The following STX11 variants were observed in gnomAD, a reference collection of about 807,000 sequenced individuals.
STX11 encodes the protein syntaxin 11.
Under a neutral mutation model 19.9 loss-of-function variants are expected in STX11, and 21 were observed. The ratio of observed to expected loss-of-function variants is 1.06; its 90% CI spans 0.75 to 1.52. STX11 has a LOEUF of 1.52. STX11 is among the 40% of genes most tolerant of loss of function. The probability of loss-of-function intolerance (pLI) is 0.00; values close to 1 mark genes in which losing one functional copy is unlikely to be tolerated. For synonymous variants in STX11, 193 were observed against 174.4 expected (o/e 1.11, Z -0.84); for missense variants, 438 against 405.9 (o/e 1.08, Z -0.68).
chr6:144,168,944 A>G (rs748368032), intron 1 of STX11, among the ~76,000 whole-genome samples: 13 of 152,248 alleles, frequency 8.5e-5, no homozygotes, highest in Non-Finnish European at 1.8e-4. Flanking sequence ...TGAGCAGGAC[A>G]GATGTGAAGG....
rs1562655408 is a variant in STX11, at chr6:144,155,982, CTTTCTTTCTTTCTTTCTTTCTTTCTT to C, written c.-6+5281_-6+5306del. On this transcript the variant is annotated intron_variant, in intron 1 of 1. Transcript: ENST00000367568. This position sits in a 1 kb window ranked among gnomAD's most constrained non-coding sequence, Gnocchi z 4.5. Reference sequence around the variant, plus strand: ...TCTTTCTTTCTTTCTTTCTTTCTTTCTTTCTTTCTTTCTTTCTTTCTTTCTTTCTTTCTCTCTTTCTCTCCTTCCTT... The same window carrying C: ...TCTTTCTTTCTTTCTTTCTTTCTTTCTCTTTCTCTCTTTCTCTCCTTCCTT... 9.7e-4 allele frequency among the ~76,000 whole-genome samples: 128 copies of C among 131,362 alleles called. 1 individual carries two copies. The highest frequency in any genetic ancestry group is 4.4e-3 in the African/African-American group (116 of 26,608). The allele number at this position is 131,362 out of a possible 152,430, so 86.2% of individuals were successfully genotyped here. A position where few individuals can be genotyped will look rare whatever the true frequency, so the allele number is the denominator to read the frequency against.
chr6:144,162,758 GT>G lies in STX11; in HGVS notation c.-6+12058del, dbSNP rs1801375926. ...GGATAAGGTGGTTTGCCATGGTGGA[GT>G]TTGTGTAGGCCAAGACAGGCTAAGA... On this transcript the variant is annotated intron_variant, in intron 1 of 1. Coordinates refer to ENST00000367568, the MANE Select transcript of STX11 (RefSeq NM_003764.4). This position sits in a 1 kb window ranked among gnomAD's most constrained non-coding sequence, Gnocchi z 4.6. Among the ~76,000 whole-genome samples, 1 of 152,200 alleles carries G rather than the reference GT, an allele frequency of 6.6e-6. No individual in the cohort carries two copies. The highest frequency in any genetic ancestry group is 2.4e-5 in the African/African-American group (1 of 41,448).
Position 144,150,533 on chromosome 6 carries a change from G to C in STX11, c.-176G>C. On this transcript the variant is annotated 5_prime_UTR_variant, in exon 1 of 2. Coordinates refer to ENST00000367568, the MANE Select transcript of STX11 (RefSeq NM_003764.4). ...GCGGCGCCCAGATGCGGCCGCGGCGGCGCGGAGCTCGGGCGGCCGTGGAGG... is the reference window on the plus strand; with the variant it reads ...GCGGCGCCCAGATGCGGCCGCGGCGCCGCGGAGCTCGGGCGGCCGTGGAGG... The C allele has an allele frequency of 1.0e-6, 1 of 985,374 alleles. No individual in the cohort carries two copies. The highest frequency in any genetic ancestry group is 1.2e-6 in the Non-Finnish European group (1 of 829,954). 61.0% of individuals were successfully genotyped at this position (985,374 alleles called of 1,614,324 possible).
Position 144,187,714 on chromosome 6 carries a change from A to G in STX11, c.*223A>G, listed in dbSNP as rs1233930258. The G allele has an allele frequency of 6.2e-6, 4 of 647,696 alleles. No individual in the cohort carries two copies. The highest frequency in any genetic ancestry group is 5.5e-5 in the African/African-American group (3 of 54,522). The allele number at this position is 647,696 out of a possible 1,614,324, so 40.1% of individuals were successfully genotyped here. On this transcript the variant is annotated 3_prime_UTR_variant, in exon 2 of 2. Coordinates refer to ENST00000367568, the MANE Select transcript of STX11 (RefSeq NM_003764.4). This position sits in a 1 kb window ranked among gnomAD's most constrained non-coding sequence, Gnocchi z 5.6. Reference sequence around the variant, plus strand: ...TTCTTCAGTAAAGATAGATTCCCACAAAGTTGTGCAATGTCATTATATGAC... The same window carrying G: ...TTCTTCAGTAAAGATAGATTCCCACGAAGTTGTGCAATGTCATTATATGAC...
chr6:144,140,903 A>G, the STX11 span: 1 of 585,264 alleles, frequency 1.7e-6, no homozygotes, highest in African/African-American at 2.0e-5. Flanking sequence ...TGTTTAATGT[A>G]TCTGTGAAAA....
At position 144,155,974 on chromosome 6, in the gene STX11, CTT is replaced by C. The variant is rs1474660269; in HGVS notation, c.-6+5273_-6+5274del. On this transcript the variant is annotated intron_variant, in intron 1 of 1. Transcript: ENST00000367568. This position sits in a 1 kb window ranked among gnomAD's most constrained non-coding sequence, Gnocchi z 4.5. ...TCTTTCTTTCTTTCTTTCTTTCTTT[CTT>C]TCTTTCTTTCTTTCTTTCTTTCTTT... Among the ~76,000 whole-genome samples the C allele has an allele frequency of 3.2e-4, 42 of 130,564 alleles. No homozygotes were observed. The highest frequency in any genetic ancestry group is 1.4e-3 in the African/African-American group (37 of 25,890). The allele number at this position is 130,564 out of a possible 152,430, so 85.7% of individuals were successfully genotyped here. A position where few individuals can be genotyped will look rare whatever the true frequency, so the allele number is the denominator to read the frequency against.
Position 144,169,216 on chromosome 6 carries a change from A to G in STX11, c.-5-17407A>G, listed in dbSNP as rs1801562348. ...AGTTGTTCTGTCCTTGGCATCCTTAATTCCTGTAGAGGCTGTCTCAGCTCT... is the reference window on the plus strand; with the variant it reads ...AGTTGTTCTGTCCTTGGCATCCTTAGTTCCTGTAGAGGCTGTCTCAGCTCT... On this transcript the variant is annotated intron_variant, in intron 1 of 1. Coordinates refer to ENST00000367568, the MANE Select transcript of STX11 (RefSeq NM_003764.4). This position sits in a 1 kb window ranked among gnomAD's most constrained non-coding sequence, Gnocchi z 5.2. Among the ~76,000 whole-genome samples, 2 of 152,168 alleles carry G rather than the reference A, an allele frequency of 1.3e-5. No homozygotes were observed. The highest frequency in any genetic ancestry group is 4.8e-5 in the African/African-American group (2 of 41,442).
At chr6:144,179,819 A>T (rs1011843867) in intron 1 of STX11, among the ~76,000 whole-genome samples, 2 of 152,242 alleles carry the variant, frequency 1.3e-5, no homozygotes, top group African/African-American at 4.8e-5. Context: ...GATTTGTAAT[A>T]ATCACTTTAA....
chr6:144,187,657 T>A lies in STX11; in HGVS notation c.*166T>A. 1.1e-6 allele frequency: 1 copy of A among 876,604 alleles called. No individual in the cohort carries two copies. The highest frequency in any genetic ancestry group is 1.8e-6 in the Non-Finnish European group (1 of 565,448). 54.3% of individuals were successfully genotyped at this position (876,604 alleles called of 1,614,324 possible). On this transcript the variant is annotated 3_prime_UTR_variant, in exon 2 of 2. Transcript: ENST00000367568. This position sits in a 1 kb window ranked among gnomAD's most constrained non-coding sequence, Gnocchi z 5.6. ...CAAGAATTGCAAACCAGCCTGTGCT[T>A]GGAAAGATGGTTAGTTGATACCGTC... is the stretch of plus-strand genomic sequence containing the variant.
At position 144,189,065 on chromosome 6, in the gene STX11, C is replaced by G. The variant is rs1802147327; in HGVS notation, c.*1574C>G. Reference sequence around the variant, plus strand: ...TTGAGACAGGGTCTCCCTTTGTCACCCAGGCTGAAGTGCAGTGGCATAATC... The same window carrying G: ...TTGAGACAGGGTCTCCCTTTGTCACGCAGGCTGAAGTGCAGTGGCATAATC... On this transcript the variant is annotated 3_prime_UTR_variant, in exon 2 of 2. Transcript: ENST00000367568. Among the ~76,000 whole-genome samples the G allele has an allele frequency of 6.6e-6, 1 of 152,004 alleles. No individual in the cohort carries two copies. Among genetic ancestry groups the G allele is most frequent in the Non-Finnish European group, 1.5e-5 (1 of 68,004 alleles).
rs59830415 is a variant in STX11 at position 144,151,943 on chromosome 6, A to G, written c.-6+1240A>G. Among the ~76,000 whole-genome samples the G allele has an allele frequency of 0.078, 11,832 of 152,130 alleles. 1,323 individuals are homozygous for G. Among genetic ancestry groups the G allele is most frequent in the African/African-American group, 0.24 (10,054 of 41,446 alleles). On this transcript the variant is annotated intron_variant, in intron 1 of 1. Transcript: ENST00000367568. This position sits in a 1 kb window ranked among gnomAD's most constrained non-coding sequence, Gnocchi z 4.6. ...CTATCTCAACACGGTAGAGAAGGGGACACCATCTCTACTGGAGCTGAGTTG... is the reference window on the plus strand; with the variant it reads ...CTATCTCAACACGGTAGAGAAGGGGGCACCATCTCTACTGGAGCTGAGTTG...
rs965155073 is a variant in STX11 at position 144,153,670 on chromosome 6, C to A, written c.-6+2967C>A. ...AGTGACATTGACCCTAGGAAGACAC[C>A]GTGGAAACTGTTGTCATATTGCAGA... On this transcript the variant is annotated intron_variant, in intron 1 of 1. Transcript: ENST00000367568. The surrounding 1 kb of genome is among the most constrained non-coding windows in gnomAD (Gnocchi z 5.0). 6.6e-6 allele frequency among the ~76,000 whole-genome samples: 1 copy of A among 152,058 alleles called. No homozygotes were observed. Among genetic ancestry groups the A allele is most frequent in the Admixed American group, 6.6e-5 (1 of 15,266 alleles).
chr6:144,142,969 A>C, the STX11 span, among the ~76,000 whole-genome samples: 91 of 152,320 alleles, frequency 6.0e-4, no homozygotes, highest in Middle Eastern at 6.8e-3. Flanking sequence ...AAATACCTGG[A>C]CTTGATCCTT....
chr6:144,184,704 CAT>C lies in STX11; in HGVS notation c.-5-1917_-5-1916del, dbSNP rs1205050822. Among the ~76,000 whole-genome samples the C allele has an allele frequency of 5.3e-5, 8 of 152,264 alleles. No individual in the cohort carries two copies. The highest frequency in any genetic ancestry group is 4.6e-4 in the Admixed American group (7 of 15,300). On this transcript the variant is annotated intron_variant, in intron 1 of 1. Transcript: ENST00000367568. The surrounding 1 kb of genome is among the most constrained non-coding windows in gnomAD (Gnocchi z 6.5). ...AACTCTGATAATGGCAGTACCTACT[CAT>C]AGAATCTGTATGAAGACTAAAGAGG...
chr6:144,149,638 G>T (rs1345779135), upstream of STX11, among the ~76,000 whole-genome samples: 1 of 152,134 alleles, frequency 6.6e-6, no homozygotes, highest in African/African-American at 2.4e-5. The surrounding 1 kb of genome is among the most constrained non-coding windows in gnomAD (Gnocchi z 5.1). Flanking sequence ...ACCACGCCCA[G>T]TTAATTTTTT....
rs926661673 is a variant in STX11 at position 144,188,501 on chromosome 6, T to C, written c.*1010T>C. ...GGTTATGGCGGTAGACATATGGCGGTAGAAAATGTATACGGAGCTAGAGAC... is the reference window on the plus strand; with the variant it reads ...GGTTATGGCGGTAGACATATGGCGGCAGAAAATGTATACGGAGCTAGAGAC... On this transcript the variant is annotated 3_prime_UTR_variant, in exon 2 of 2. Transcript: ENST00000367568. 2 of 220,718 alleles carry C rather than the reference T, an allele frequency of 9.1e-6. No individual in the cohort carries two copies. Among genetic ancestry groups the C allele is most frequent in the East Asian group, 7.5e-5 (1 of 13,252 alleles). 13.7% of individuals were successfully genotyped at this position (220,718 alleles called of 1,614,324 possible).
chr6:144,150,732 T>G (rs1412927055), intron 1 of STX11, 29 bp downstream of exon 1: 5 of 982,782 alleles, frequency 5.1e-6, no homozygotes, highest in Non-Finnish European at 6.0e-6. Flanking sequence ...GAGCCCCCAT[T>G]TCTCTTCCTG....
At chr6:144,158,729 G>A (rs1371291889) in intron 1 of STX11, among the ~76,000 whole-genome samples, 1 of 152,182 alleles carries the variant, frequency 6.6e-6, no homozygotes, top group African/African-American at 2.4e-5. Context: ...ATAACTTACA[G>A]GAGAATGTTA....
At chr6:144,148,874 C>T (rs1412300067), upstream of STX11, among the ~76,000 whole-genome samples, 1 of 152,202 alleles carries the variant, frequency 6.6e-6, no homozygotes, top group East Asian at 1.9e-4. Flanking sequence ...GGATTACAGG[C>T]GTGAGCCACG....
Sources: gnomAD v4.1 joint callset for allele counts (sites outside exome capture counted in the v4.1 genomes callset) on GRCh38, gnomAD v4.1.1 for gene constraint, Gnocchi (gnomAD v3.1) non-coding constraint, MANE v1.5 for transcripts, NCBI Gene and HGNC (gene_info 2026-07-23, HGNC 2026-07-21) for gene names.